Variants in CCDC198 observed in about 807,000 individuals in gnomAD.
CCDC198 encodes coiled-coil domain containing 198.
In CCDC198, 18 loss-of-function variants were observed where a neutral mutation model predicts 35.6. The ratio of observed to expected loss-of-function variants is 0.51; its 90% CI spans 0.35 to 0.75. CCDC198 has a LOEUF of 0.75. Ranked by LOEUF, CCDC198 falls within the 30% of genes least tolerant of loss-of-function variation. CCDC198 has a pLI of 0.01. For synonymous variants in CCDC198, 119 were observed against 113.4 expected, an observed-to-expected ratio of 1.05 and a Z score of -0.31; for missense variants, 365 against 343.7, an observed-to-expected ratio of 1.06 and a Z score of -0.49.
rs1483814526 is a variant in CCDC198, at chr14:57,471,382, A to C, written c.864T>G (p.Leu288=). The part of the protein sequence containing the change: ...LVRTRTERIP[L]FDEFFDQE ...ATTCTTGATCAAAAAACTCATCGAA[A>C]AGTGGGATTCTCTCTGTCCTGGTCC... Residue 288 remains leucine (L), a synonymous_variant, in exon 6 of 6, where the codon CTT becomes CTG. Coordinates refer to ENST00000216445, the MANE Select transcript of CCDC198 (RefSeq NM_018168.4). 3 of 1,612,994 alleles carry C rather than the reference A, an allele frequency of 1.9e-6. No homozygotes were observed. Among genetic ancestry groups the C allele is most frequent in the South Asian group, 1.1e-5 (1 of 90,706 alleles).
At chr14:57,478,068 G>T (rs2139486534) in intron 5 of CCDC198, among the ~76,000 whole-genome samples, 1 of 152,224 alleles carries the variant, frequency 6.6e-6, no homozygotes, top group South Asian at 2.1e-4. Context: ...TCCCTGACTG[G>T]CACTTGAATT....
At chr14:57,490,875 T>G (rs949637713) in intron 2 of CCDC198, 114 bp downstream of exon 2, 1 of 984,524 alleles carries the variant, frequency 1.0e-6, no homozygotes, top group Non-Finnish European at 1.5e-6. Context: ...TTAAGAACAT[T>G]CTCATTAATA....
intron 2 of CCDC198, among the ~76,000 whole-genome samples, chr14:57,486,473 TA>T (rs778691287): frequency 0.029 from 4,225 of 143,372 alleles, 132 homozygotes; most frequent in African/African-American, 0.087. Flanking sequence ...TTTCCGGGAT[TA>T]AAAAAAAAAA....
intron 2 of CCDC198, among the ~76,000 whole-genome samples, chr14:57,487,693 G>T (rs1313394405): frequency 6.6e-6 from 1 of 152,118 alleles, no homozygotes; most frequent in African/African-American, 2.4e-5. Flanking sequence ...AGTAGAAGGT[G>T]CCAAAAATAT....
chr14:57,471,392 C>A lies in CCDC198; in HGVS notation c.854G>T (p.Arg285Ile). ...PRALVRTRTE[R>I]IPLFDEFFDQ... is the part of the protein sequence containing the mutation. ...AAAAAACTCATCGAAAAGTGGGATT[C>A]TCTCTGTCCTGGTCCTCACCAGTGC... The change falls in exon 6 of 6, where the codon AGA becomes ATA. Residue 285 changes from arginine to isoleucine, a missense_variant. Coordinates refer to ENST00000216445, the MANE Select transcript of CCDC198 (RefSeq NM_018168.4). 6.2e-7 allele frequency: 1 copy of A among 1,613,784 alleles called. No individual in the cohort carries two copies. Among genetic ancestry groups the A allele is most frequent in the South Asian group, 1.1e-5 (1 of 91,002 alleles).
intron 1 of CCDC198, among the ~76,000 whole-genome samples, chr14:57,492,473 C>A (rs972108536): frequency 7.4e-4 from 112 of 152,036 alleles, no homozygotes; most frequent in African/African-American, 2.6e-3. Context: ...TACACATTCA[C>A]GCTCCATTTT....
intron 2 of CCDC198, among the ~76,000 whole-genome samples, chr14:57,484,297 T>C (rs886380168): frequency 3.9e-5 from 6 of 152,086 alleles, no homozygotes; most frequent in Admixed American, 1.3e-4. Context: ...AAAGGGGAAA[T>C]CTGGACACAG....
intron 5 of CCDC198, among the ~76,000 whole-genome samples, chr14:57,474,483 T>C (rs903049586): frequency 6.6e-6 from 1 of 152,194 alleles, no homozygotes; most frequent in East Asian, 1.9e-4. Flanking sequence ...ATAGCCTAAG[T>C]CCCACAACAC....
intron 5 of CCDC198, among the ~76,000 whole-genome samples, chr14:57,473,651 T>C (rs1587117): frequency 6.6e-6 from 1 of 152,198 alleles, no homozygotes; most frequent in Non-Finnish European, 1.5e-5. Context: ...GTCCTTATAA[T>C]TGGTCTTCCT....
At chr14:57,483,519 C>T (rs567099590) in intron 2 of CCDC198, among the ~76,000 whole-genome samples, 2 of 152,284 alleles carry the variant, frequency 1.3e-5, no homozygotes, top group East Asian at 3.9e-4. Context: ...TTTCACACAT[C>T]CCTTAGGTAC....
At chr14:57,475,850 G>GGA (rs1357829247) in intron 5 of CCDC198, 1 of 254,054 alleles carries the variant, frequency 3.9e-6, no homozygotes, top group Non-Finnish European at 7.0e-6. Flanking sequence ...CGACCAGGTT[G>GGA]GAGAGCAGTG....
intron 5 of CCDC198, among the ~76,000 whole-genome samples, chr14:57,477,494 A>G (rs2067041520): frequency 6.6e-6 from 1 of 152,086 alleles, no homozygotes; most frequent in Admixed American, 6.5e-5. Context: ...TCTCACACAC[A>G]CACACACACA....
At position 57,480,718 on chromosome 14, in the gene CCDC198, C is replaced by A; in HGVS notation, c.532G>T (p.Ala178Ser). Reference protein sequence around the residue: ...MELKKSLHGEARINKQSPRDH... With the variant: ...MELKKSLHGESRINKQSPRDH... ...CTTGGACTTTGCTTATTAATTCTTG[C>A]CTCTCCATGAAGACTTTTCTTTAAC... Residue 178 changes from alanine (A) to serine (S), a missense_variant, in exon 5 of 6, where the codon GCA becomes TCA. By Grantham distance (99) the Ala-to-Ser change is moderately conservative (BLOSUM62 1). Transcript: ENST00000216445. 5.0e-6 allele frequency: 8 copies of A among 1,614,022 alleles called. No individual in the cohort carries two copies. Among genetic ancestry groups the A allele is most frequent in the Non-Finnish European group, 6.8e-6 (8 of 1,179,980 alleles).
At chr14:57,479,300 C>T (rs1152524) in intron 5 of CCDC198, among the ~76,000 whole-genome samples, 93,130 of 151,964 alleles carry the variant, frequency 0.61, 32,429 homozygotes, top group East Asian at 0.96. Flanking sequence ...GTTGGCCAGG[C>T]TAGGTTTTGA....
chr14:57,474,088 A>G (rs1231902415), intron 5 of CCDC198, among the ~76,000 whole-genome samples: 3 of 152,192 alleles, frequency 2.0e-5, no homozygotes, highest in Admixed American at 6.5e-5. Flanking sequence ...TCTACCTGTT[A>G]TACTCTTGTT....
chr14:57,482,237 G>A (rs1330028511), intron 3 of CCDC198, among the ~76,000 whole-genome samples: 2 of 152,218 alleles, frequency 1.3e-5, no homozygotes, highest in Non-Finnish European at 2.9e-5. Context: ...GGACAGTGCA[G>A]ACGGTTATTG....
At chr14:57,475,202 A>C in intron 5 of CCDC198, 4 of 298,322 alleles carry the variant, frequency 1.3e-5, no homozygotes, top group Non-Finnish European at 2.0e-5. Context: ...CGGAGCTTGC[A>C]GTGTGCAGAG....
intron 1 of CCDC198, 38 bp from the exon 2 acceptor site, chr14:57,491,109 A>T (rs1405903886): frequency 6.3e-7 from 1 of 1,590,772 alleles, no homozygotes; most frequent in African/African-American, 1.4e-5. Context: ...TAAAACATTA[A>T]ATATAATTTA....
At chr14:57,473,708 G>A (rs1400698808) in intron 5 of CCDC198, among the ~76,000 whole-genome samples, 1 of 152,120 alleles carries the variant, frequency 6.6e-6, no homozygotes, top group Non-Finnish European at 1.5e-5. Context: ...AGTGTAGACA[G>A]AGTGACATTT....
Sources: gnomAD v4.1 joint callset for allele counts (sites outside exome capture counted in the v4.1 genomes callset) on GRCh38, gnomAD v4.1.1 for gene constraint, MANE v1.5 for transcripts, NCBI Gene and HGNC (gene_info 2026-07-23, HGNC 2026-07-21) for gene names.